Variants in SLC9A9 observed in about 807,000 individuals in gnomAD.
SLC9A9 encodes the protein sodium/hydrogen exchanger 9.
SLC9A9 carries 62 observed loss-of-function variants against 77.8 expected under a neutral mutation model. That is an observed-to-expected ratio of 0.80 (90% CI 0.65 to 0.98). SLC9A9 has a LOEUF of 0.98. SLC9A9 is among the 50% of genes least tolerant of loss of function. The pLI, the probability that SLC9A9 is intolerant of heterozygous loss-of-function variation, is 0.00. For missense variants in SLC9A9, 775 were observed against 774.9 expected (o/e 1.00, Z 0.00); for synonymous variants, 320 against 283.5 (o/e 1.13, Z -1.29).
At chr3:143,417,982 C>G (rs758228036) in intron 12 of SLC9A9, among the ~76,000 whole-genome samples, 8 of 151,846 alleles carry the variant, frequency 5.3e-5, no homozygotes, top group Non-Finnish European at 8.8e-5. Flanking sequence ...CGTGGTTACT[C>G]AATCCCTCCA....
chr3:143,799,915 C>T (rs1161031439), intron 2 of SLC9A9, among the ~76,000 whole-genome samples: 1 of 152,214 alleles, frequency 6.6e-6, no homozygotes, highest in East Asian at 1.9e-4. Flanking sequence ...TTTCCTTTGC[C>T]TCCATAACTG....
intron 5 of SLC9A9, among the ~76,000 whole-genome samples, chr3:143,663,071 C>T (rs1297711669): frequency 5.3e-5 from 8 of 152,254 alleles, no homozygotes; most frequent in Admixed American, 1.3e-4. Flanking sequence ...GCCAGCTGCC[C>T]CTCTGAGACG....
chr3:143,671,093 A>C (rs949168260), intron 5 of SLC9A9, among the ~76,000 whole-genome samples: 12 of 152,182 alleles, frequency 7.9e-5, no homozygotes, highest in African/African-American at 2.9e-4. Context: ...GAATGGAGAT[A>C]ATTGATCGGC....
intron 5 of SLC9A9, among the ~76,000 whole-genome samples, chr3:143,683,628 G>A (rs950166122): frequency 2.6e-5 from 4 of 152,082 alleles, no homozygotes; most frequent in African/African-American, 7.2e-5. Flanking sequence ...GTGCCGTCAC[G>A]ACATGTAAGA....
intron 4 of SLC9A9, among the ~76,000 whole-genome samples, chr3:143,749,310 T>A (rs1188905890): frequency 6.6e-6 from 1 of 152,096 alleles, no homozygotes; most frequent in African/African-American, 2.4e-5. Flanking sequence ...TTTCCTCCCT[T>A]TAGAAAAATG....
intron 12 of SLC9A9, among the ~76,000 whole-genome samples, chr3:143,432,346 A>G (rs1373339858): frequency 6.6e-6 from 1 of 152,228 alleles, no homozygotes; most frequent in Non-Finnish European, 1.5e-5. Context: ...TTCTCAGTGC[A>G]GTAAACTCTT....
chr3:143,761,441 C>T (rs2007118833), intron 4 of SLC9A9, among the ~76,000 whole-genome samples: 1 of 152,158 alleles, frequency 6.6e-6, no homozygotes, highest in African/African-American at 2.4e-5. Flanking sequence ...GCAATCTACT[C>T]ATCTGACAAA....
intron 4 of SLC9A9, among the ~76,000 whole-genome samples, chr3:143,788,109 G>A (rs1576726244): frequency 1.3e-5 from 2 of 151,988 alleles, no homozygotes; most frequent in Admixed American, 6.5e-5. Flanking sequence ...AAGAGGTGGT[G>A]TAGATCCGGA....
intron 6 of SLC9A9, among the ~76,000 whole-genome samples, chr3:143,632,906 G>T (rs1262944541): frequency 2.0e-5 from 3 of 152,184 alleles, no homozygotes; most frequent in Non-Finnish European, 4.4e-5. Flanking sequence ...GGCCTATCCT[G>T]TTCCAAGTCA....
In SLC9A9 at chr3:143,801,496, G is replaced by T. The variant is rs748879136; in HGVS notation, c.379-4593C>A. ...TGTTGAGACTCCCACCATTACCATT[G>T]TTCCTGGCCCAGACTTCAATCCAGC... On this transcript the variant is annotated intron_variant, in intron 2 of 15. Coordinates refer to ENST00000316549, the MANE Select transcript of SLC9A9 (RefSeq NM_173653.4). 1.2e-4 allele frequency among the ~76,000 whole-genome samples: 18 copies of T among 152,136 alleles called. No individual in the cohort carries two copies. The South Asian group carries it at 1.5e-3, about 12-fold the overall frequency.
intron 5 of SLC9A9, among the ~76,000 whole-genome samples, chr3:143,691,961 T>C (rs1272426468): frequency 6.6e-6 from 1 of 152,060 alleles, no homozygotes; most frequent in African/African-American, 2.4e-5. Flanking sequence ...GGCTGACAGC[T>C]CAGTCACCAA....
intron 4 of SLC9A9, among the ~76,000 whole-genome samples, chr3:143,760,395 G>C (rs1048188118): frequency 3.3e-5 from 5 of 152,158 alleles, no homozygotes; most frequent in African/African-American, 1.2e-4. Flanking sequence ...AGGAAAAGAG[G>C]AAGTCAAATT....
chr3:143,588,584 T>C (rs2037594078), intron 6 of SLC9A9, among the ~76,000 whole-genome samples: 1 of 152,220 alleles, frequency 6.6e-6, no homozygotes, highest in African/African-American at 2.4e-5. Context: ...TTGTTATGAA[T>C]TATATGTGCA....
At chr3:143,462,259 G>C (rs1029546070) in intron 12 of SLC9A9, among the ~76,000 whole-genome samples, 1 of 152,106 alleles carries the variant, frequency 6.6e-6, no homozygotes, top group Non-Finnish European at 1.5e-5. Flanking sequence ...TGTAGTCTCA[G>C]CTACTTGAGA....
chr3:143,766,573 G>GTT (rs201308343), intron 4 of SLC9A9, among the ~76,000 whole-genome samples: 3 of 151,264 alleles, frequency 2.0e-5, no homozygotes, highest in Non-Finnish European at 4.4e-5. Flanking sequence ...GGCTGGAAAA[G>GTT]TTTTTTTTGT....
chr3:143,715,818 C>T (rs1934329710), intron 4 of SLC9A9, among the ~76,000 whole-genome samples: 2 of 152,212 alleles, frequency 1.3e-5, no homozygotes, highest in Admixed American at 6.5e-5. Context: ...CGTCCTCTCA[C>T]TGTCATAGAA....
chr3:143,764,411 A>C (rs1448520627), intron 4 of SLC9A9, among the ~76,000 whole-genome samples: 1 of 152,218 alleles, frequency 6.6e-6, no homozygotes, highest in Non-Finnish European at 1.5e-5. Context: ...TATGCAATTC[A>C]ACTTATATTC....
intron 14 of SLC9A9, among the ~76,000 whole-genome samples, chr3:143,360,829 C>T (rs2032733644): frequency 6.6e-6 from 1 of 152,162 alleles, no homozygotes; most frequent in Non-Finnish European, 1.5e-5. Context: ...GGCTAGACTA[C>T]TCAGTTATTC....
At chr3:143,420,735 T>C (rs1168600371) in intron 12 of SLC9A9, among the ~76,000 whole-genome samples, 1 of 152,184 alleles carries the variant, frequency 6.6e-6, no homozygotes, top group African/African-American at 2.4e-5. Flanking sequence ...CCCTGGGAGC[T>C]TGGTGGTAGC....
Sources: gnomAD v4.1 joint callset for allele counts (sites outside exome capture counted in the v4.1 genomes callset) on GRCh38, gnomAD v4.1.1 for gene constraint, MANE v1.5 for transcripts, NCBI Gene and HGNC (gene_info 2026-07-23, HGNC 2026-07-21) for gene names.